The following TP63 variants were observed in gnomAD, a reference collection of about 807,000 sequenced individuals.
TP63 encodes tumor protein p63.
A neutral mutation model predicts 82.8 loss-of-function variants in TP63; 17 were observed. The observed-to-expected ratio is 0.21, with a 90% CI of 0.14 to 0.31. TP63 has a LOEUF of 0.31. Ranked by LOEUF, TP63 falls within the 10% of genes least tolerant of loss-of-function variation. TP63 has a pLI of 1.00. For synonymous variants in TP63, 330 were observed against 321.7 expected, an observed-to-expected ratio of 1.03 and a Z score of -0.28; for missense variants, 648 against 895.3, an observed-to-expected ratio of 0.72 and a Z score of 3.52.
At chr3:189,887,717 C>G (rs1167082618) in intron 11 of TP63, among the ~76,000 whole-genome samples, 1 of 152,130 alleles carries the variant, frequency 6.6e-6, no homozygotes, top group Non-Finnish European at 1.5e-5. Context: ...AAACAGTACC[C>G]TCAAGCTTGT....
At chr3:189,885,215 C>G (rs1344824085) in intron 10 of TP63, among the ~76,000 whole-genome samples, 1 of 152,200 alleles carries the variant, frequency 6.6e-6, no homozygotes, top group East Asian at 1.9e-4. Context: ...AGTCTTCATT[C>G]TGTGGTCACA....
upstream of TP63, among the ~76,000 whole-genome samples, chr3:189,630,148 G>A (rs1174864177): frequency 6.6e-6 from 1 of 152,130 alleles, no homozygotes; most frequent in Non-Finnish European, 1.5e-5. Context: ...TACTTACAGG[G>A]AAATGTCAAA....
the TP63 span, among the ~76,000 whole-genome samples, chr3:189,599,844 C>G: frequency 6.6e-6 from 1 of 152,144 alleles, no homozygotes; most frequent in Non-Finnish European, 1.5e-5. Flanking sequence ...ACTTTGCACT[C>G]CATTTGATCT....
intron 3 of TP63, among the ~76,000 whole-genome samples, chr3:189,745,185 A>G (rs2108512300): frequency 6.6e-6 from 1 of 152,364 alleles, no homozygotes; most frequent in East Asian, 1.9e-4. Flanking sequence ...ATGTGCAGAT[A>G]TCAATATAAA....
intron 3 of TP63, among the ~76,000 whole-genome samples, chr3:189,791,490 G>T (rs888800426): frequency 2.0e-5 from 3 of 152,076 alleles, no homozygotes; most frequent in African/African-American, 7.2e-5. Context: ...GCTTATGAAA[G>T]AAAATAGTTT....
Position 189,646,662 on chromosome 3 carries a change from G to C in TP63, c.62+15085G>C, listed in dbSNP as rs1221764682. Among the ~76,000 whole-genome samples, 2 of 146,484 alleles carry C rather than the reference G, an allele frequency of 1.4e-5. 1 individual carries two copies. Among genetic ancestry groups the C allele is most frequent in the Admixed American group, 1.3e-4 (2 of 14,868 alleles). On this transcript the variant is annotated intron_variant, in intron 1 of 13. Transcript: ENST00000264731. ...ACACATTGCTTCAGGCCAAGTGAAG[G>C]AACAAACACAAGATATAAGGCAGGT...
At chr3:189,886,589 A>G in intron 11 of TP63, 38 bp downstream of exon 11, 1 of 1,612,276 alleles carries the variant, frequency 6.2e-7, no homozygotes, top group Non-Finnish European at 8.5e-7. Flanking sequence ...TGAAGGATGA[A>G]CAGGCTAGCT....
At chr3:189,639,538 T>A (rs1200185231) in intron 1 of TP63, among the ~76,000 whole-genome samples, 1 of 152,114 alleles carries the variant, frequency 6.6e-6, no homozygotes, top group Non-Finnish European at 1.5e-5. Context: ...GGGCTCAAAA[T>A]CTCTTGCCAC....
At chr3:189,773,412 T>A (rs1399448316) in intron 3 of TP63, among the ~76,000 whole-genome samples, 2 of 152,232 alleles carry the variant, frequency 1.3e-5, no homozygotes, top group Non-Finnish European at 2.9e-5. Flanking sequence ...AGTAAAGTCG[T>A]GTTTAATAAG....
At chr3:189,775,040 G>T (rs1279296689) in intron 3 of TP63, among the ~76,000 whole-genome samples, 1 of 151,996 alleles carries the variant, frequency 6.6e-6, no homozygotes, top group Non-Finnish European at 1.5e-5. Flanking sequence ...CCAACATAGT[G>T]AAACCTCGTC....
chr3:189,758,243 G>A (rs577192397), intron 3 of TP63, among the ~76,000 whole-genome samples: 9 of 152,276 alleles, frequency 5.9e-5, no homozygotes, highest in South Asian at 2.1e-4. Flanking sequence ...TAATGCCCCC[G>A]CTGATCTGAC....
At chr3:189,735,650 C>T (rs1720525459) in intron 1 of TP63, among the ~76,000 whole-genome samples, 1 of 152,126 alleles carries the variant, frequency 6.6e-6, no homozygotes, top group Non-Finnish European at 1.5e-5. Context: ...TGTTGTCTTA[C>T]CTTAACTGAT....
chr3:189,715,751 C>T (rs1718912453), intron 1 of TP63, among the ~76,000 whole-genome samples: 1 of 152,172 alleles, frequency 6.6e-6, no homozygotes. Context: ...AGATTTATCA[C>T]TGTATAAATT....
Position 189,714,590 on chromosome 3 carries a change from A to T in TP63, c.63-23150A>T, listed in dbSNP as rs75873691. On this transcript the variant is annotated intron_variant, in intron 1 of 13. Transcript: ENST00000264731. ...GTTGTGACTTAGAGGCCTCCTTTTC[A>T]AGACTGTATCTCTCACTGATGTACA... is the stretch of plus-strand genomic sequence containing the variant. Among the ~76,000 whole-genome samples, 1,057 of 152,238 alleles carry T rather than the reference A, an allele frequency of 6.9e-3. 9 individuals carry two copies. The highest frequency in any genetic ancestry group is 0.025 in the African/African-American group (1,019 of 41,546).
At chr3:189,885,571 A>G (rs1720359424) in intron 10 of TP63, among the ~76,000 whole-genome samples, 1 of 152,206 alleles carries the variant, frequency 6.6e-6, no homozygotes, top group Non-Finnish European at 1.5e-5. Context: ...TAGTTTTTAT[A>G]TTAAGATAAA....
At chr3:189,604,080 A>G in the TP63 span, among the ~76,000 whole-genome samples, 5 of 152,306 alleles carry the variant, frequency 3.3e-5, no homozygotes, top group East Asian at 9.6e-4. Context: ...TTATTTTACC[A>G]TCAGGGAAGT....
intron 1 of TP63, among the ~76,000 whole-genome samples, chr3:189,663,014 A>T (rs1348974488): frequency 6.6e-6 from 1 of 151,116 alleles, no homozygotes; most frequent in Non-Finnish European, 1.5e-5. Context: ...AGTGCTCTGA[A>T]TTTTTTTTTG....
chr3:189,894,350 A>G lies in TP63; in HGVS notation c.1891A>G (p.Ser631Gly), dbSNP rs1475677742. 6.2e-7 allele frequency: 1 copy of G among 1,613,826 alleles called. No homozygotes were observed. Among genetic ancestry groups the G allele is most frequent in the Non-Finnish European group, 8.5e-7 (1 of 1,179,952 alleles). ...TGCCTCTACAGTCAGTGTGGGCTCCAGTGAGACCCGGGGTGAGCGTGTTAT... is the reference window on the plus strand; with the variant it reads ...TGCCTCTACAGTCAGTGTGGGCTCCGGTGAGACCCGGGGTGAGCGTGTTAT... The part of the protein sequence containing the change: ...SSASTVSVGS[S>G]ETRGERVIDA... The change falls in exon 14 of 14, where the codon AGT becomes GGT. Residue 631 changes from serine (S) to glycine (G), a missense_variant. Transcript: ENST00000264731.
At chr3:189,755,638 A>C (rs1722132832) in intron 3 of TP63, among the ~76,000 whole-genome samples, 1 of 152,178 alleles carries the variant, frequency 6.6e-6, no homozygotes, top group South Asian at 2.1e-4. Flanking sequence ...TTCTTGTGCT[A>C]TATGCTTAGA....
Sources: gnomAD v4.1 joint callset for allele counts (sites outside exome capture counted in the v4.1 genomes callset) on GRCh38, gnomAD v4.1.1 for gene constraint, MANE v1.5 for transcripts, NCBI Gene and HGNC (gene_info 2026-07-23, HGNC 2026-07-21) for gene names.